The following WDR72 variants were observed in gnomAD, a reference collection of about 807,000 sequenced individuals.
WDR72 encodes WD repeat domain 72, also known as WD repeat-containing protein 72.
Under a neutral mutation model 124.2 loss-of-function variants are expected in WDR72, and 120 were observed. The observed-to-expected ratio is 0.97, with a 90% CI of 0.83 to 1.12. The LOEUF is 1.12. Among genes scored for constraint, WDR72 ranks in the 50% most tolerant of loss-of-function variants. The pLI, the probability that WDR72 is intolerant of heterozygous loss-of-function variation, is 0.00. For synonymous variants in WDR72, 452 were observed against 441.7 expected, an observed-to-expected ratio of 1.02 and a Z score of -0.29; for missense variants, 1,387 against 1,278.8, an observed-to-expected ratio of 1.08 and a Z score of -1.29.
chr15:53,579,976 T>C (rs2011828170), intron 18 of WDR72, among the ~76,000 whole-genome samples: 1 of 152,118 alleles, frequency 6.6e-6, no homozygotes, highest in Non-Finnish European at 1.5e-5. Context: ...TAATTGCATC[T>C]ATCACTGAAA....
At chr15:53,739,429 G>A (rs2140876601) in intron 1 of WDR72, among the ~76,000 whole-genome samples, 1 of 152,256 alleles carries the variant, frequency 6.6e-6, no homozygotes, top group East Asian at 1.9e-4. Context: ...CTGAATAAAA[G>A]ATGCTGAGAT....
In WDR72 at chr15:53,575,879, C is replaced by A. The variant is rs115924465; in HGVS notation, c.3148+21200G>T. On this transcript the variant is annotated intron_variant, in intron 18 of 19. Coordinates refer to ENST00000360509, the MANE Select transcript of WDR72 (RefSeq NM_182758.4). ...CAATCACTTAGCTCATCACTATCTA[C>A]CAGGGTAGAACTGGCAGTCAACAAC... Among the ~76,000 whole-genome samples, 867 of 152,218 alleles carry A rather than the reference C, an allele frequency of 5.7e-3. 7 individuals are homozygous for A. The highest frequency in any genetic ancestry group is 0.019 in the African/African-American group (796 of 41,530).
intron 18 of WDR72, among the ~76,000 whole-genome samples, chr15:53,559,173 C>A (rs1872918): frequency 2.2e-5 from 3 of 137,300 alleles, no homozygotes; most frequent in Non-Finnish European, 3.1e-5. Flanking sequence ...TTTTTTTTTT[C>A]ATTTTAGGAT....
Position 53,699,857 on chromosome 15 carries a change from G to A in WDR72, c.1658C>T (p.Ala553Val), listed in dbSNP as rs1213731047. The change falls in exon 13 of 20, where the codon GCC becomes GTC. Residue 553 changes from alanine (A) to valine (V), a missense_variant. By Grantham distance (64) the Ala-to-Val change is moderately conservative. Transcript: ENST00000360509. ...CCTCACAGGAAAAAGGTGCTTCCGGGCATGCAGGAGGCAACTCTTTCCCTC... is the reference window on the plus strand; with the variant it reads ...CCTCACAGGAAAAAGGTGCTTCCGGACATGCAGGAGGCAACTCTTTCCCTC... ...HLEGKSCLLH[A>V]RKHLFPVRMI... The A allele has an allele frequency of 1.2e-6, 2 of 1,614,062 alleles. No individual in the cohort carries two copies. Among genetic ancestry groups the A allele is most frequent in the Non-Finnish European group, 8.5e-7 (1 of 1,180,016 alleles).
At chr15:53,723,323 T>C (rs972787478) in intron 2 of WDR72, among the ~76,000 whole-genome samples, 1 of 152,170 alleles carries the variant, frequency 6.6e-6, no homozygotes, top group Non-Finnish European at 1.5e-5. Context: ...GAAACCACCA[T>C]AATACCCTAT....
In WDR72 at chr15:53,705,920, G is replaced by GACT; in HGVS notation, c.1102+4_1102+6dup. On this transcript the variant is annotated splice_region_variant and intron_variant, in intron 10 of 19. Coordinates refer to ENST00000360509, the MANE Select transcript of WDR72 (RefSeq NM_182758.4). ...AGACATGTTACTAGAAAAGGAAACT[G>GACT]ACTTACCTCTAGGAGAACCATCAAA... is the stretch of plus-strand genomic sequence containing the variant. 1 of 1,613,986 alleles carries GACT rather than the reference G, an allele frequency of 6.2e-7. No homozygotes were observed. Among genetic ancestry groups the GACT allele is most frequent in the Non-Finnish European group, 8.5e-7 (1 of 1,179,976 alleles).
At chr15:53,535,254 A>G (rs1361197631) in intron 18 of WDR72, among the ~76,000 whole-genome samples, 2 of 152,146 alleles carry the variant, frequency 1.3e-5, no homozygotes, top group Non-Finnish European at 2.9e-5. Flanking sequence ...TTGTCTCTAA[A>G]TCCTTTCCAG....
chr15:53,575,189 A>G (rs1894706312), intron 18 of WDR72, among the ~76,000 whole-genome samples: 3 of 152,088 alleles, frequency 2.0e-5, no homozygotes, highest in African/African-American at 7.2e-5. Flanking sequence ...TCCGAACTCA[A>G]CATAAGGGTC....
rs763864389 is a variant in WDR72 at position 53,705,162 on chromosome 15, T to A, written c.1174A>T (p.Ile392Phe). 6.2e-7 allele frequency: 1 copy of A among 1,614,122 alleles called. No individual in the cohort carries two copies. Among genetic ancestry groups the A allele is most frequent in the East Asian group, 2.2e-5 (1 of 44,860 alleles). The change falls in exon 11 of 20, where the codon ATT (isoleucine) becomes TTT (phenylalanine). Residue 392 changes from isoleucine to phenylalanine, a missense_variant. Coordinates refer to ENST00000360509, the MANE Select transcript of WDR72 (RefSeq NM_182758.4). Reference sequence around the variant, plus strand: ...TCTTTAAGCCCAGAGAAATAGTCAATAATACTTTGTGACATAGTATCATGC... The same window carrying A: ...TCTTTAAGCCCAGAGAAATAGTCAAAAATACTTTGTGACATAGTATCATGC... ...DKHDTMSQSI[I>F]DYFSGLKDGA...
At chr15:53,574,917 C>T (rs1387151911) in intron 18 of WDR72, among the ~76,000 whole-genome samples, 1 of 151,454 alleles carries the variant, frequency 6.6e-6, no homozygotes, top group East Asian at 2.0e-4. Flanking sequence ...AAAACAACTC[C>T]CGTACCAAGC....
At chr15:53,557,883 GAC>G (rs1435853334) in intron 18 of WDR72, among the ~76,000 whole-genome samples, 1 of 152,058 alleles carries the variant, frequency 6.6e-6, no homozygotes, top group African/African-American at 2.4e-5. Flanking sequence ...TAGCCAGGAT[GAC>G]ACAGATTGAG....
chr15:53,623,901 C>A (rs2014104684), intron 14 of WDR72, among the ~76,000 whole-genome samples: 1 of 152,154 alleles, frequency 6.6e-6, no homozygotes, highest in African/African-American at 2.4e-5. Context: ...GATGGTAACT[C>A]ATTGTCGTTT....
chr15:53,627,002 T>G (rs2014238055), intron 14 of WDR72, among the ~76,000 whole-genome samples: 1 of 152,192 alleles, frequency 6.6e-6, no homozygotes, highest in South Asian at 2.1e-4. Flanking sequence ...GCTAAAACAT[T>G]TTAGATATTT....
intron 18 of WDR72, among the ~76,000 whole-genome samples, chr15:53,563,596 C>A (rs989374613): frequency 1.3e-5 from 2 of 151,330 alleles, no homozygotes; most frequent in Non-Finnish European, 3.0e-5. Flanking sequence ...TATTAATACC[C>A]CCAAACTAGG....
At chr15:53,628,072 C>G (rs1436738781) in intron 14 of WDR72, among the ~76,000 whole-genome samples, 1 of 151,950 alleles carries the variant, frequency 6.6e-6, no homozygotes, top group Non-Finnish European at 1.5e-5. Flanking sequence ...CCTTCTTTTC[C>G]CAGTTGTGCT....
At position 53,613,702 on chromosome 15, in the gene WDR72, A is replaced by G; in HGVS notation, c.2836T>C (p.Leu946=). 1 of 1,611,388 alleles carries G rather than the reference A, an allele frequency of 6.2e-7. No individual in the cohort carries two copies. The highest frequency in any genetic ancestry group is 1.1e-5 in the South Asian group (1 of 91,048). The change falls in exon 16 of 20, where the codon TTA becomes CTA. Residue 946 remains leucine (L), a synonymous_variant. Transcript: ENST00000360509. ...NKMRGAGNDI[L]NMSSFYSCLR... ...CAACTGTAGAAGCTTGACATATTTA[A>G]AATGTCATTCCCAGCACCTCTCATC...
At chr15:53,540,667 CG>C in intron 18 of WDR72, among the ~76,000 whole-genome samples, 1 of 152,120 alleles carries the variant, frequency 6.6e-6, no homozygotes, top group African/African-American at 2.4e-5. Flanking sequence ...CGAACAGCTC[CG>C]GTCTACAGCT....
chr15:53,523,295 C>T lies in WDR72; in HGVS notation c.3176G>A (p.Ser1059Asn). The change falls in exon 19 of 20, where the codon AGC (serine) becomes AAC (asparagine). Residue 1059 changes from serine (S) to asparagine (N), a missense_variant. Coordinates refer to ENST00000360509, the MANE Select transcript of WDR72 (RefSeq NM_182758.4). ...TTGGAAGTTTGCCGAGTTTGAGTTG[C>T]TGTCATGCTTGACCGGGCTGACTGG... ...QTPVSPVKHDSNSNSANFQDV... is the reference protein window; with the variant it reads ...QTPVSPVKHDNNSNSANFQDV... 1 of 1,612,864 alleles carries T rather than the reference C, an allele frequency of 6.2e-7. No homozygotes were observed. The highest frequency in any genetic ancestry group is 8.5e-7 in the Non-Finnish European group (1 of 1,179,378).
intron 13 of WDR72, among the ~76,000 whole-genome samples, chr15:53,677,857 C>T (rs755419139): frequency 3.3e-5 from 5 of 152,142 alleles, no homozygotes; most frequent in Non-Finnish European, 7.3e-5. Flanking sequence ...CCATTATCTA[C>T]CACTAATTGA....
Sources: allele counts gnomAD v4.1 joint callset (sites outside exome capture counted in the v4.1 genomes callset), GRCh38; gene constraint gnomAD v4.1.1; transcripts MANE v1.5; gene names NCBI Gene and HGNC (gene_info 2026-07-23, HGNC 2026-07-21).